The following SLC14A2 variants were observed in gnomAD, a reference collection of about 807,000 sequenced individuals.
The protein encoded by SLC14A2 is urea transporter 2.
In SLC14A2, 91 loss-of-function variants were observed where a neutral mutation model predicts 104.6. That is an observed-to-expected ratio of 0.87 (90% CI 0.73 to 1.04). The LOEUF (loss-of-function observed/expected upper bound fraction) is 1.04, where lower values mean the gene tolerates loss of function less well. Ranked by LOEUF, SLC14A2 falls within the 50% of genes least tolerant of loss-of-function variation. The pLI is 0.00. For missense variants in SLC14A2, 1,189 were observed against 1,156.0 expected, an observed-to-expected ratio of 1.03 and a Z score of -0.41; for synonymous variants, 476 against 466.4, an observed-to-expected ratio of 1.02 and a Z score of -0.27.
rs2045135698 is a variant in SLC14A2 at position 45,619,833 on chromosome 18, C to T, written c.-35+4251C>T. ...TGGCTGCTCCCACCCTCTCTCCCTTCAATTTGGGAGCACGAGAAGAGGGAA... is the reference window on the plus strand; with the variant it reads ...TGGCTGCTCCCACCCTCTCTCCCTTTAATTTGGGAGCACGAGAAGAGGGAA... On this transcript the variant is annotated intron_variant, in intron 1 of 19. Transcript: ENST00000255226. Among the ~76,000 whole-genome samples, 3 of 152,296 alleles carry T rather than the reference C, an allele frequency of 2.0e-5. No homozygotes were observed. The South Asian group carries it at 6.2e-4, about 32-fold the overall frequency.
intron 1 of SLC14A2, among the ~76,000 whole-genome samples, chr18:45,224,940 T>C (rs544376309): frequency 6.6e-6 from 1 of 152,326 alleles, no homozygotes; most frequent in African/African-American, 2.4e-5. Flanking sequence ...ATTCTGTAGG[T>C]TGCCTATTCA....
intron 1 of SLC14A2, among the ~76,000 whole-genome samples, chr18:45,459,541 C>T (rs796211256): frequency 1.3e-5 from 2 of 152,298 alleles, no homozygotes; most frequent in African/African-American, 4.8e-5. Context: ...CTTGTCTGGG[C>T]CTTAGTTCTC....
At chr18:45,404,544 C>T (rs904344705) in intron 1 of SLC14A2, among the ~76,000 whole-genome samples, 23 of 152,168 alleles carry the variant, frequency 1.5e-4, no homozygotes, top group African/African-American at 5.1e-4. Context: ...TCAAATCTAT[C>T]AGAATCTCCT....
intron 1 of SLC14A2, among the ~76,000 whole-genome samples, chr18:45,306,837 G>A (rs567924531): frequency 1.3e-5 from 2 of 152,272 alleles, no homozygotes; most frequent in African/African-American, 4.8e-5. Flanking sequence ...GTGATTCTTT[G>A]TGCGTAACTC....
intron 1 of SLC14A2, among the ~76,000 whole-genome samples, chr18:45,346,357 A>T (rs1482034257): frequency 3.9e-5 from 6 of 152,198 alleles, no homozygotes; most frequent in African/African-American, 1.4e-4. Flanking sequence ...GGGTTTTGCC[A>T]TGTTGGCCAG....
At chr18:45,308,279 T>C (rs1011844826) in intron 1 of SLC14A2, among the ~76,000 whole-genome samples, 3 of 152,184 alleles carry the variant, frequency 2.0e-5, no homozygotes, top group African/African-American at 7.2e-5. Context: ...TGCATATTTT[T>C]CCACCTAAAA....
chr18:45,464,622 G>T (rs1173788617), intron 1 of SLC14A2, among the ~76,000 whole-genome samples: 15 of 152,210 alleles, frequency 9.9e-5, no homozygotes, highest in Admixed American at 9.8e-4. Context: ...ATTTTTTGCT[G>T]CTCTTTGCCT....
chr18:45,563,749 CA>C (rs1450819009), intron 2 of SLC14A2, among the ~76,000 whole-genome samples: 2 of 152,160 alleles, frequency 1.3e-5, no homozygotes, highest in African/African-American at 4.8e-5. Context: ...AGAGGGAATA[CA>C]AAGATAATTC....
Position 45,645,619 on chromosome 18 carries a change from A to ATATATATACATATATATATATATATATT in SLC14A2, c.1351+1463_1351+1464insTATACATATATATATATATATATTTATA. Among the ~76,000 whole-genome samples, 5 of 117,040 alleles carry ATATATATACATATATATATATATATATT rather than the reference A, an allele frequency of 4.3e-5. 1 individual carries two copies. Among genetic ancestry groups the ATATATATACATATATATATATATATATT allele is most frequent in the African/African-American group, 7.2e-5 (2 of 27,944 alleles). 76.8% of individuals were successfully genotyped at this position (117,040 alleles called of 152,430 possible). A position where few individuals can be genotyped will look rare whatever the true frequency, so the allele number is the denominator to read the frequency against. ...TTTCATTTGGTCTTTTTAAATATAT[A>ATATATATACATATATATATATATATATT]TATACATATACAAAGATATATATAG... On this transcript the variant is annotated intron_variant, in intron 10 of 19. Transcript: ENST00000255226.
At chr18:45,457,837 A>T (rs1410576140) in intron 1 of SLC14A2, among the ~76,000 whole-genome samples, 3 of 152,154 alleles carry the variant, frequency 2.0e-5, no homozygotes, top group Non-Finnish European at 4.4e-5. Flanking sequence ...AACCATCTGT[A>T]AAATGGAGAT....
chr18:45,574,044 A>G (rs923868351), intron 2 of SLC14A2, among the ~76,000 whole-genome samples: 2 of 152,250 alleles, frequency 1.3e-5, no homozygotes, highest in African/African-American at 4.8e-5. Flanking sequence ...ATTAATGAAT[A>G]AACAAAGTTT....
chr18:45,581,711 T>C (rs538260002), intron 2 of SLC14A2, among the ~76,000 whole-genome samples: 1 of 152,276 alleles, frequency 6.6e-6, no homozygotes, highest in African/African-American at 2.4e-5. Flanking sequence ...AAGCAGTCAA[T>C]GTTAGCTGTG....
At position 45,604,940 on chromosome 18, in the gene SLC14A2, AT is replaced by A. The variant is rs1404332139; in HGVS notation, c.-34-19690del. ...GAACCAATAGCCCTACCATTTTTGT[AT>A]AAATTATTTGGGCTTCTATTAGTCT... On this transcript the variant is annotated intron_variant, in intron 2 of 20. Transcript: ENST00000586448. 2.6e-5 allele frequency among the ~76,000 whole-genome samples: 4 copies of A among 152,290 alleles called. No individual in the cohort carries two copies. The East Asian group carries it at 7.7e-4, about 29-fold the overall frequency.
intron 1 of SLC14A2, among the ~76,000 whole-genome samples, chr18:45,336,330 C>T (rs1231397084): frequency 1.3e-5 from 2 of 151,978 alleles, no homozygotes; most frequent in African/African-American, 4.8e-5. Context: ...AGGGATAGAC[C>T]CTTGAGAAAA....
chr18:45,562,471 G>T (rs934121152), intron 2 of SLC14A2, among the ~76,000 whole-genome samples: 4 of 152,134 alleles, frequency 2.6e-5, no homozygotes, highest in Non-Finnish European at 5.9e-5. Flanking sequence ...TAGGAGAGAG[G>T]GCATTCCTGG....
chr18:45,548,673 C>T lies in SLC14A2; in HGVS notation c.-35+65351C>T, dbSNP rs1317154782. 3.3e-5 allele frequency among the ~76,000 whole-genome samples: 5 copies of T among 152,192 alleles called. No homozygotes were observed. In the East Asian group the frequency reaches 9.6e-4, roughly 29 times the overall value. On this transcript the variant is annotated intron_variant, in intron 2 of 20. Coordinates refer to the SLC14A2 transcript ENST00000586448. ...GATCTATCATCATGCCACTGCACTC[C>T]AGCCTGGGCAATGGAATGAGATCCT...
At chr18:45,274,715 T>A (rs2084684595) in intron 1 of SLC14A2, among the ~76,000 whole-genome samples, 2 of 152,274 alleles carry the variant, frequency 1.3e-5, no homozygotes, top group Non-Finnish European at 2.9e-5. Context: ...TAATTAATTC[T>A]GTGGTAGTAG....
chr18:45,179,455 A>G, the SLC14A2 span, among the ~76,000 whole-genome samples: 7 of 151,898 alleles, frequency 4.6e-5, no homozygotes, highest in South Asian at 1.5e-3. Flanking sequence ...TTCTTAATGC[A>G]CTCTTTTGAA....
the SLC14A2 span, among the ~76,000 whole-genome samples, chr18:45,192,472 T>C: frequency 6.6e-6 from 1 of 152,176 alleles, no homozygotes; most frequent in African/African-American, 2.4e-5. Flanking sequence ...AGGTGTTGTT[T>C]AAGGTTTTAA....
Sources: allele counts gnomAD v4.1 joint callset (sites outside exome capture counted in the v4.1 genomes callset), GRCh38; gene constraint gnomAD v4.1.1; transcripts MANE v1.5; gene names NCBI Gene and HGNC (gene_info 2026-07-23, HGNC 2026-07-21).